Variants in XRCC6 observed in about 807,000 individuals in gnomAD.
XRCC6 encodes the protein X-ray repair cross complementing 6, also known as DNA repair protein Ku70.
Under a neutral mutation model 65.7 loss-of-function variants are expected in XRCC6, and 5 were observed. The observed-to-expected ratio is 0.08, with a 90% confidence interval of 0.04 to 0.16. The LOEUF (loss-of-function observed/expected upper bound fraction) is 0.16, where lower values mean the gene tolerates loss of function less well. Among genes scored for constraint, XRCC6 ranks in the 10% least tolerant of loss-of-function variants. XRCC6 has a pLI of 1.00. For missense variants in XRCC6, 447 were observed against 738.1 expected (o/e 0.61, Z 4.57); for synonymous variants, 270 against 270.6 (o/e 1.00, Z 0.02).
chr22:41,626,483 C>T (rs1188534746), intron 2 of XRCC6, among the ~76,000 whole-genome samples: 1 of 151,692 alleles, frequency 6.6e-6, no homozygotes, highest in Non-Finnish European at 1.5e-5. Context: ...GAGACAGAGT[C>T]TTGCTCTGTG....
At chr22:41,629,819 G>A (rs28741121) in intron 3 of XRCC6, among the ~76,000 whole-genome samples, 17,292 of 151,928 alleles carry the variant, frequency 0.11, 1,340 homozygotes, top group Non-Finnish European at 0.17. Context: ...ACAGGCACCT[G>A]CCACCATGCC....
chr22:41,622,228 T>A, intron 2 of XRCC6, 142 bp downstream of exon 2: 1 of 910,892 alleles, frequency 1.1e-6, no homozygotes, highest in Non-Finnish European at 1.7e-6. Context: ...CCTTTGAACT[T>A]CGCAGAGCTA....
chr22:41,622,219 C>T (rs904008827), intron 2 of XRCC6, 133 bp downstream of exon 2: 28 of 997,008 alleles, frequency 2.8e-5, no homozygotes, highest in Non-Finnish European at 4.2e-5. Context: ...TCTTTTCTTC[C>T]TTTGAACTTC....
intron 7 of XRCC6, among the ~76,000 whole-genome samples, chr22:41,647,642 G>C (rs1601547180): frequency 6.6e-6 from 1 of 151,154 alleles, no homozygotes; most frequent in East Asian, 2.0e-4. Flanking sequence ...TCAAACTCCT[G>C]GTCTTAAGTA....
chr22:41,657,059 C>G (rs1295467835), intron 10 of XRCC6, 27 bp downstream of exon 10: 2 of 1,540,402 alleles, frequency 1.3e-6, no homozygotes, highest in Admixed American at 2.2e-5. Flanking sequence ...CTTTCTGGAA[C>G]TGCCTCCTGA....
In XRCC6 at chr22:41,637,761, C is replaced by T; in HGVS notation, c.743C>T (p.Ala248Val). 6.2e-7 allele frequency: 1 copy of T among 1,613,934 alleles called. No individual in the cohort carries two copies. Among genetic ancestry groups the T allele is most frequent in the East Asian group, 2.2e-5 (1 of 44,870 alleles). ...KLEDLLRKVR[A>V]KETRKRALSR... ...GAAGACCTGTTGCGGAAGGTTCGCG[C>T]CAAGGAGACCAGGAAGCGAGCACTC... The change falls in exon 6 of 13, where the codon GCC (alanine) becomes GTC (valine). Residue 248 changes from alanine (A) to valine (V), a missense_variant. Ala to Val is a moderately conservative substitution (Grantham distance 64). Coordinates refer to ENST00000360079, the MANE Select transcript of XRCC6 (RefSeq NM_001469.5).
chr22:41,634,787 CT>C (rs1407634777), intron 3 of XRCC6, among the ~76,000 whole-genome samples: 1 of 152,080 alleles, frequency 6.6e-6, no homozygotes, highest in Non-Finnish European at 1.5e-5. Flanking sequence ...TCGTCATCTG[CT>C]CGCCTTGGCC....
At chr22:41,622,130 A>G (rs750004711) in intron 2 of XRCC6, 44 bp downstream of exon 2, 10 of 1,598,410 alleles carry the variant, frequency 6.3e-6, no homozygotes, top group Non-Finnish European at 7.7e-6. Context: ...TGTGGAAGAA[A>G]GACCTTCCCT....
chr22:41,661,302 G>A, intron 11 of XRCC6, 29 bp from the exon 12 acceptor site: 1 of 1,599,214 alleles, frequency 6.3e-7, no homozygotes, highest in South Asian at 1.1e-5. Flanking sequence ...TGACTCACCA[G>A]GCCACTCTTC....
In XRCC6 at chr22:41,661,447, G is replaced by A; in HGVS notation, c.1636+3G>A. The A allele has an allele frequency of 6.2e-7, 1 of 1,613,056 alleles. No individual in the cohort carries two copies. Among genetic ancestry groups the A allele is most frequent in the African/African-American group, 1.3e-5 (1 of 75,002 alleles). On this transcript the variant is annotated splice_donor_region_variant and intron_variant, in intron 12 of 12. Coordinates refer to ENST00000360079, the MANE Select transcript of XRCC6 (RefSeq NM_001469.5). Reference sequence around the variant, plus strand: ...GAAAGTTACCAAGAGAAAACACGGTGAGAAGCTGAATGTGGACATGTGGGC... The same window carrying A: ...GAAAGTTACCAAGAGAAAACACGGTAAGAAGCTGAATGTGGACATGTGGGC...
chr22:41,648,074 C>G (rs2067955117), intron 7 of XRCC6: 1 of 118,536 alleles, frequency 8.4e-6, no homozygotes, highest in African/African-American at 3.5e-5. Context: ...CCCCTCCTCT[C>G]TTCTGTTTCT....
Position 41,663,666 on chromosome 22 carries a change from G to A in XRCC6, c.1681G>A (p.Glu561Lys), listed in dbSNP as rs1569101422. 6.2e-7 allele frequency: 1 copy of A among 1,613,972 alleles called. No homozygotes were observed. Among genetic ancestry groups the A allele is most frequent in the Non-Finnish European group, 8.5e-7 (1 of 1,179,876 alleles). ...GSKRPKVEYS[E>K]EELKTHISKG... Reference sequence around the variant, plus strand: ...CAAAAGGCCCAAGGTGGAGTATTCAGAAGAGGAGCTGAAGACCCACATCAG... The same window carrying A: ...CAAAAGGCCCAAGGTGGAGTATTCAAAAGAGGAGCTGAAGACCCACATCAG... The change falls in exon 13 of 13, where the codon GAA becomes AAA. Residue 561 changes from glutamate (E) to lysine (K), a missense_variant. By Grantham distance (56) the Glu-to-Lys change is moderately conservative. Transcript: ENST00000360079.
At chr22:41,623,174 G>A (rs28741107) in intron 2 of XRCC6, among the ~76,000 whole-genome samples, 2 of 151,232 alleles carry the variant, frequency 1.3e-5, no homozygotes, top group Admixed American at 1.3e-4. Flanking sequence ...TCAAACTCCC[G>A]GGCTCAAGTG....
At chr22:41,636,880 T>G (rs2067815924) in intron 5 of XRCC6, 110 bp downstream of exon 5, 1 of 1,404,540 alleles carries the variant, frequency 7.1e-7, no homozygotes, top group African/African-American at 1.5e-5. Flanking sequence ...CCCAAGTAGC[T>G]GGGACTATAA....
Position 41,649,139 on chromosome 22 carries a change from A to AATATATATATAT in XRCC6, c.961-1571_961-1560dup, listed in dbSNP as rs1555906700. On this transcript the variant is annotated intron_variant, in intron 7 of 12. Transcript: ENST00000360079. ...GGGAAGAGAGTACAAAAAAAAAAAA[A>AATATATATATAT]ATATATATATATATATATATATATG... Among the ~76,000 whole-genome samples, 17 of 88,724 alleles carry AATATATATATAT rather than the reference A, an allele frequency of 1.9e-4. No individual in the cohort carries two copies. The East Asian group carries it at 2.1e-3, about 11-fold the overall frequency. The allele number at this position is 88,724 out of a possible 152,430, so 58.2% of individuals were successfully genotyped here.
chr22:41,648,961 A>G (rs1159091817), intron 7 of XRCC6, among the ~76,000 whole-genome samples: 1 of 146,038 alleles, frequency 6.8e-6, no homozygotes. Context: ...AGGATAAAAT[A>G]CAAACATCAT....
chr22:41,659,173 C>T (rs1395770441), intron 11 of XRCC6, among the ~76,000 whole-genome samples: 2 of 151,992 alleles, frequency 1.3e-5, no homozygotes, highest in Non-Finnish European at 2.9e-5. Context: ...CTATTTTAGA[C>T]AAAATAGCCC....
chr22:41,637,506 T>C (rs2067822028), intron 5 of XRCC6, 102 bp from the exon 6 acceptor site: 2 of 1,106,814 alleles, frequency 1.8e-6, no homozygotes, highest in South Asian at 1.7e-5. Flanking sequence ...TAGTCTAGTT[T>C]TCAGGGAGCT....
chr22:41,635,884 G>A (rs939622218), intron 3 of XRCC6, among the ~76,000 whole-genome samples: 1 of 151,916 alleles, frequency 6.6e-6, no homozygotes, highest in African/African-American at 2.4e-5. Context: ...TCAATGGCAG[G>A]GACTGCTTAT....
Sources: allele counts gnomAD v4.1 joint callset (sites outside exome capture counted in the v4.1 genomes callset), GRCh38; gene constraint gnomAD v4.1.1; transcripts MANE v1.5; gene names NCBI Gene and HGNC (gene_info 2026-07-23, HGNC 2026-07-21).